Variants in ABCB7 observed in about 807,000 individuals in gnomAD.
ABCB7 encodes iron-sulfur clusters transporter ABCB7, mitochondrial.
ABCB7 carries 7 observed loss-of-function variants against 54.4 expected under a neutral mutation model. That is an observed-to-expected ratio of 0.13 (90% CI 0.07 to 0.24). The LOEUF (loss-of-function observed/expected upper bound fraction) is 0.24, where lower values mean the gene tolerates loss of function less well. Among genes scored for constraint, ABCB7 ranks in the 10% least tolerant of loss-of-function variants. ABCB7 has a pLI of 1.00. For missense variants in ABCB7, 356 were observed against 570.4 expected (o/e 0.62, Z 3.83); for synonymous variants, 218 against 207.1 (o/e 1.05, Z -0.45).
chrX:75,129,268 A>G (rs2081957476), intron 1 of ABCB7, among the ~76,000 whole-genome samples: 1 of 111,664 alleles, frequency 9.0e-6, no homozygotes, highest in African/African-American at 3.3e-5. Context: ...ATGCAGCCAC[A>G]AAAAAGGATG....
chrX:75,060,175 A>G (rs759439979), intron 15 of ABCB7, 48 bp downstream of exon 15: 2 of 1,009,451 alleles, frequency 2.0e-6, no homozygotes, highest in East Asian at 6.1e-5. Flanking sequence ...TATCTATAAC[A>G]ATTTCCAGTG....
At chrX:75,151,419 T>C (rs2082131363) in intron 1 of ABCB7, among the ~76,000 whole-genome samples, 1 of 111,662 alleles carries the variant, frequency 9.0e-6, no homozygotes, top group South Asian at 3.8e-4. Flanking sequence ...GAACCTAGCT[T>C]ACTTTTTCCT....
chrX:75,126,633 A>C (rs1407026768), intron 1 of ABCB7, among the ~76,000 whole-genome samples: 1 of 111,491 alleles, frequency 9.0e-6, no homozygotes, highest in East Asian at 2.8e-4. Context: ...GGATTTTTAA[A>C]AGATTAACAA....
At chrX:75,140,076 A>G (rs1245779535) in intron 1 of ABCB7, among the ~76,000 whole-genome samples, 1 of 111,598 alleles carries the variant, frequency 9.0e-6, no homozygotes. Context: ...TGCTCCCCAA[A>G]TTAATAGATT....
rs1162634132 is a variant in ABCB7, at chrX:75,069,371, C to T, written c.1449G>A (p.Glu483=). The stretch of plus-strand genomic sequence containing the variant: ...ATATTCCACTAAGGACTTTCTGGCC[C>T]TCAATGTATTCAAAATGCACATTAT... ...AFDNVHFEYI[E]GQKVLSGISF... The change falls in exon 11 of 16, where the codon GAG becomes GAA. Residue 483 remains glutamate (E), a synonymous_variant. Coordinates refer to ENST00000373394, the MANE Select transcript of ABCB7 (RefSeq NM_001271696.3). 8.3e-6 allele frequency: 10 copies of T among 1,208,427 alleles called. No individual in the cohort carries two copies. Among genetic ancestry groups the T allele is most frequent in the Non-Finnish European group, 8.9e-6 (8 of 894,426 alleles).
intron 1 of ABCB7, among the ~76,000 whole-genome samples, chrX:75,142,180 C>A (rs2082058846): frequency 9.0e-6 from 1 of 111,305 alleles, no homozygotes; most frequent in African/African-American, 3.3e-5. Flanking sequence ...ATACCACAAT[C>A]CACAGATACT....
intron 15 of ABCB7, 39 bp downstream of exon 15, chrX:75,060,184 T>A (rs1470993593): frequency 9.6e-7 from 1 of 1,042,860 alleles, no homozygotes; most frequent in Admixed American, 2.2e-5. Flanking sequence ...CAATTTCCAG[T>A]GTTCCTCAAA....
At chrX:75,092,721 G>C (rs938189444) in intron 4 of ABCB7, among the ~76,000 whole-genome samples, 1 of 111,347 alleles carries the variant, frequency 9.0e-6, no homozygotes, top group African/African-American at 3.3e-5. Context: ...TCAACAATAA[G>C]AAAACAATCA....
At chrX:75,079,352 A>G (rs764165688) in intron 4 of ABCB7, among the ~76,000 whole-genome samples, 1 of 112,156 alleles carries the variant, frequency 8.9e-6, no homozygotes, top group South Asian at 3.7e-4. Flanking sequence ...CTACATGTAG[A>G]TGTTTTTATT....
intron 8 of ABCB7, among the ~76,000 whole-genome samples, chrX:75,073,306 A>G (rs1461697014): frequency 8.9e-6 from 1 of 112,098 alleles, no homozygotes; most frequent in East Asian, 2.8e-4. Context: ...CAGCATTACC[A>G]GAAACACATG....
chrX:75,094,019 CATATATATATATAT>C (rs199523853), intron 4 of ABCB7, among the ~76,000 whole-genome samples: 5 of 46,012 alleles, frequency 1.1e-4, no homozygotes, highest in African/African-American at 1.9e-4. Flanking sequence ...CTGTTATATA[CATATATATATATAT>C]ATATATATAT....
intron 4 of ABCB7, among the ~76,000 whole-genome samples, chrX:75,092,467 T>C (rs1487450035): frequency 2.7e-5 from 3 of 111,484 alleles, no homozygotes; most frequent in African/African-American, 9.7e-5. Context: ...GATGAAACTA[T>C]AAATCATCTA....
intron 3 of ABCB7, among the ~76,000 whole-genome samples, chrX:75,109,985 A>G (rs189432617): frequency 6.2e-5 from 7 of 112,275 alleles, no homozygotes; most frequent in Non-Finnish European, 1.3e-4. Context: ...AGAGATACAT[A>G]TAGTGAATTT....
intron 13 of ABCB7, among the ~76,000 whole-genome samples, chrX:75,064,826 A>T (rs1328158821): frequency 9.3e-6 from 1 of 107,087 alleles, no homozygotes; most frequent in East Asian, 3.1e-4. Context: ...TAACTTACTT[A>T]ATATCAAACA....
intron 1 of ABCB7, among the ~76,000 whole-genome samples, chrX:75,138,813 T>C (rs28565419): frequency 0.028 from 3,133 of 110,027 alleles, 116 homozygotes; most frequent in African/African-American, 0.099. Flanking sequence ...ATCAGCACCA[T>C]CCTGGCCAAC....
chrX:75,080,011 C>A (rs1275958610), intron 4 of ABCB7, among the ~76,000 whole-genome samples: 1 of 112,112 alleles, frequency 8.9e-6, no homozygotes, highest in Non-Finnish European at 1.9e-5. Flanking sequence ...TTCAGCATAA[C>A]GTGCTCAAAG....
At position 75,125,756 on chromosome X, in the gene ABCB7, A is replaced by C. The variant is rs1030171397; in HGVS notation, c.169-10925T>G. ...CAGAATCCAACTGTGTATTTCTGATAATGCTGCTTTTGCCCAAACCAATTG... is the reference window on the plus strand; with the variant it reads ...CAGAATCCAACTGTGTATTTCTGATCATGCTGCTTTTGCCCAAACCAATTG... On this transcript the variant is annotated intron_variant, in intron 1 of 15. Transcript: ENST00000373394. Among the ~76,000 whole-genome samples, 5 of 111,042 alleles carry C rather than the reference A, an allele frequency of 4.5e-5. No individual in the cohort carries two copies. The Admixed American group carries it at 4.8e-4, about 11-fold the overall frequency.
chrX:75,122,959 T>C (rs2081893596), intron 1 of ABCB7, among the ~76,000 whole-genome samples: 1 of 109,835 alleles, frequency 9.1e-6, no homozygotes, highest in Non-Finnish European at 1.9e-5. Context: ...GATTTGCAAA[T>C]ATTTTCTCCC....
intron 9 of ABCB7, 113 bp from the exon 10 acceptor site, chrX:75,070,635 A>T: frequency 1.4e-6 from 1 of 740,507 alleles, no homozygotes; most frequent in Non-Finnish European, 2.1e-6. Flanking sequence ...ATCAGCAACA[A>T]CTCTTATGTC....
Sources: gnomAD v4.1 joint callset for allele counts (sites outside exome capture counted in the v4.1 genomes callset) on GRCh38, gnomAD v4.1.1 for gene constraint, MANE v1.5 for transcripts, NCBI Gene and HGNC (gene_info 2026-07-23, HGNC 2026-07-21) for gene names.